The following GPR39 variants were observed in gnomAD, a reference collection of about 807,000 sequenced individuals.
The protein encoded by GPR39 is zinc sensing receptor.
A neutral mutation model predicts 18.4 loss-of-function variants in GPR39; 23 were observed. The ratio of observed to expected loss-of-function variants is 1.25; its 90% CI spans 0.90 to 1.77. The LOEUF (loss-of-function observed/expected upper bound fraction) is 1.77. GPR39 is among the 40% of genes most tolerant of loss of function. GPR39 has a pLI of 0.00. For missense variants in GPR39, 647 were observed against 602.4 expected (o/e 1.07, Z -0.78); for synonymous variants, 280 against 257.9 (o/e 1.09, Z -0.82).
At chr2:132,527,826 C>G (rs919550192) in intron 1 of GPR39, among the ~76,000 whole-genome samples, 2 of 151,982 alleles carry the variant, frequency 1.3e-5, no homozygotes, top group Non-Finnish European at 2.9e-5. Context: ...CCTGTAGATT[C>G]TGGATATTAA....
chr2:132,620,886 G>A (rs1165855183), intron 1 of GPR39, among the ~76,000 whole-genome samples: 14 of 152,108 alleles, frequency 9.2e-5, no homozygotes, highest in Admixed American at 9.2e-4. Flanking sequence ...CCAAGTAGCT[G>A]GGACTACAGG....
At chr2:132,488,367 A>C (rs1681385493) in intron 1 of GPR39, among the ~76,000 whole-genome samples, 1 of 152,184 alleles carries the variant, frequency 6.6e-6, no homozygotes, top group Non-Finnish European at 1.5e-5. Context: ...GGTAAAAATA[A>C]CAAAAAAAAA....
chr2:132,603,356 G>A (rs1230738109), intron 1 of GPR39, among the ~76,000 whole-genome samples: 1 of 152,156 alleles, frequency 6.6e-6, no homozygotes, highest in Admixed American at 6.5e-5. Flanking sequence ...ATGGAATTGT[G>A]GTGATCAAGA....
chr2:132,460,837 CCAGAG>C (rs1391143639), intron 1 of GPR39, among the ~76,000 whole-genome samples: 1 of 152,114 alleles, frequency 6.6e-6, no homozygotes, highest in Non-Finnish European at 1.5e-5. Flanking sequence ...ATGCATAACC[CCAGAG>C]CACAGCCAGC....
intron 1 of GPR39, among the ~76,000 whole-genome samples, chr2:132,620,552 G>A (rs112227948): frequency 0.012 from 1,890 of 152,134 alleles, 45 homozygotes; most frequent in African/African-American, 0.043. Flanking sequence ...TCCCCCCTGC[G>A]TGGCTCAGGT....
chr2:132,485,609 A>G (rs768009612), intron 1 of GPR39, among the ~76,000 whole-genome samples: 3 of 152,248 alleles, frequency 2.0e-5, no homozygotes, highest in Non-Finnish European at 4.4e-5. Context: ...CAGCAGGAGT[A>G]GATTTCATCT....
chr2:132,417,017 G>T lies in GPR39; in HGVS notation c.-26G>T. 1 of 1,605,788 alleles carries T rather than the reference G, an allele frequency of 6.2e-7. No homozygotes were observed. The highest frequency in any genetic ancestry group is 8.5e-7 in the Non-Finnish European group (1 of 1,175,068). ...GAAAGGGAAGTTGAGAAAGTCTTTG[G>T]ACCTGGTAGCCTGGTGCTCTTTCTC... On this transcript the variant is annotated 5_prime_UTR_variant, in exon 1 of 2. Coordinates refer to ENST00000329321, the MANE Select transcript of GPR39 (RefSeq NM_001508.3).
intron 1 of GPR39, among the ~76,000 whole-genome samples, chr2:132,613,739 C>A (rs1461396869): frequency 6.6e-6 from 1 of 152,242 alleles, no homozygotes; most frequent in African/African-American, 2.4e-5. Context: ...TTCTCATTTA[C>A]TTATGGAAGC....
At chr2:132,445,944 A>T (rs1405779851) in intron 1 of GPR39, among the ~76,000 whole-genome samples, 1 of 152,270 alleles carries the variant, frequency 6.6e-6, no homozygotes, top group Non-Finnish European at 1.5e-5. Context: ...GCATTTCGTC[A>T]GTCACAGAGA....
intron 1 of GPR39, among the ~76,000 whole-genome samples, chr2:132,581,412 C>A (rs1680620882): frequency 6.6e-6 from 1 of 150,794 alleles, no homozygotes; most frequent in Admixed American, 6.6e-5. Context: ...GTTCCAGAAA[C>A]CATGTGATGG....
At chr2:132,482,061 G>A (rs951754419) in intron 1 of GPR39, among the ~76,000 whole-genome samples, 15 of 152,256 alleles carry the variant, frequency 9.9e-5, no homozygotes, top group Admixed American at 7.9e-4. Context: ...CATTGTTGAC[G>A]TCCCCTAAAT....
At chr2:132,628,209 C>T (rs1470354392) in intron 1 of GPR39, among the ~76,000 whole-genome samples, 7 of 152,192 alleles carry the variant, frequency 4.6e-5, no homozygotes, top group Admixed American at 2.6e-4. Flanking sequence ...TCCTGGAGTT[C>T]CAGATTTCTG....
chr2:132,432,455 A>G (rs555386867), intron 1 of GPR39, among the ~76,000 whole-genome samples: 1 of 152,320 alleles, frequency 6.6e-6, no homozygotes, highest in East Asian at 1.9e-4. Flanking sequence ...AGACCATAGC[A>G]TCCTCTGTGT....
chr2:132,616,768 G>C (rs1487168439), intron 1 of GPR39, among the ~76,000 whole-genome samples: 1 of 152,148 alleles, frequency 6.6e-6, no homozygotes, highest in Non-Finnish European at 1.5e-5. Flanking sequence ...ATAAATCCCA[G>C]ATTTCTTTTA....
At chr2:132,633,529 T>C (rs565118164) in intron 1 of GPR39, among the ~76,000 whole-genome samples, 6 of 152,120 alleles carry the variant, frequency 3.9e-5, no homozygotes, top group Admixed American at 2.0e-4. Flanking sequence ...CATTGACTCT[T>C]TCTGGGCCTT....
At chr2:132,421,067 G>C (rs1471315911) in intron 1 of GPR39, among the ~76,000 whole-genome samples, 2 of 152,228 alleles carry the variant, frequency 1.3e-5, no homozygotes, top group Admixed American at 1.3e-4. Flanking sequence ...GAGGTTGCTG[G>C]TCTGGATTTC....
At chr2:132,605,371 G>A (rs1462592610) in intron 1 of GPR39, among the ~76,000 whole-genome samples, 7 of 152,198 alleles carry the variant, frequency 4.6e-5, no homozygotes, top group Admixed American at 3.9e-4. Flanking sequence ...GTGTGGGAAC[G>A]AGGATGTGGA....
intron 1 of GPR39, among the ~76,000 whole-genome samples, chr2:132,624,105 T>C (rs1192020724): frequency 2.0e-5 from 3 of 152,214 alleles, no homozygotes; most frequent in Non-Finnish European, 4.4e-5. Context: ...AACAGACATA[T>C]ATTGTCTCAC....
At chr2:132,451,083 AT>A (rs1050489496) in intron 1 of GPR39, among the ~76,000 whole-genome samples, 8 of 151,710 alleles carry the variant, frequency 5.3e-5, no homozygotes, top group African/African-American at 1.7e-4. Flanking sequence ...AGGGGATGCT[AT>A]TTTTTAGCAT....
Sources: allele counts gnomAD v4.1 joint callset (sites outside exome capture counted in the v4.1 genomes callset), GRCh38; gene constraint gnomAD v4.1.1; transcripts MANE v1.5; gene names NCBI Gene and HGNC (gene_info 2026-07-23, HGNC 2026-07-21).